ERCC3: variants seen among roughly 807,000 people sequenced by gnomAD.
ERCC3 encodes general transcription and DNA repair factor IIH helicase/translocase subunit XPB.
ERCC3 carries 66 observed loss-of-function variants against 94.2 expected under a neutral mutation model. That is an observed-to-expected ratio of 0.70 (90% CI 0.57 to 0.86). The LOEUF (loss-of-function observed/expected upper bound fraction) is 0.86. ERCC3 is among the 40% of genes least tolerant of loss of function. The pLI is 0.00. For synonymous variants in ERCC3, 349 were observed against 369.1 expected, an observed-to-expected ratio of 0.95 and a Z score of 0.63; for missense variants, 829 against 987.1, an observed-to-expected ratio of 0.84 and a Z score of 2.15.
intron 12 of ERCC3, among the ~76,000 whole-genome samples, chr2:127,270,377 A>G (rs1684510768): frequency 6.6e-6 from 1 of 152,202 alleles, no homozygotes; most frequent in South Asian, 2.1e-4. Context: ...AGTCTTGGCA[A>G]GACAGGATTG....
intron 10 of ERCC3, among the ~76,000 whole-genome samples, chr2:127,278,727 G>T (rs924671623): frequency 1.3e-5 from 2 of 152,224 alleles, no homozygotes; most frequent in African/African-American, 4.8e-5. Context: ...AGGATACTGC[G>T]TGGGCATTTC....
At chr2:127,276,087 C>G (rs552752758) in intron 10 of ERCC3, among the ~76,000 whole-genome samples, 1 of 152,134 alleles carries the variant, frequency 6.6e-6, no homozygotes. Flanking sequence ...CAGGGATGCC[C>G]GGCAGAGATG....
rs1218309781 is a variant in ERCC3 at position 127,284,747 on chromosome 2, A to G, written c.1342+1956T>C. On this transcript the variant is annotated intron_variant, in intron 8 of 14. Coordinates refer to ENST00000285398, the MANE Select transcript of ERCC3 (RefSeq NM_000122.2). The surrounding 1 kb of genome is among the most constrained non-coding windows in gnomAD (Gnocchi z 4.1). ...CACCCATGCTGGAGTACAGTTGCAC[A>G]ATCATGGTTCACTGCAGCCTCAACC... 1.3e-5 allele frequency among the ~76,000 whole-genome samples: 2 copies of G among 151,630 alleles called. No individual in the cohort carries two copies. The highest frequency in any genetic ancestry group is 2.4e-5 in the African/African-American group (1 of 41,214).
Position 127,278,057 on chromosome 2 carries a change from T to G in ERCC3, c.1730+1116A>C, listed in dbSNP as rs530250823. Reference sequence around the variant, plus strand: ...GAGTTTGAGACCAGCCTGGGCAACATAGCAAAACCCCATCTCTACAAAAAA... The same window carrying G: ...GAGTTTGAGACCAGCCTGGGCAACAGAGCAAAACCCCATCTCTACAAAAAA... On this transcript the variant is annotated intron_variant, in intron 10 of 14. Coordinates refer to ENST00000285398, the MANE Select transcript of ERCC3 (RefSeq NM_000122.2). Among the ~76,000 whole-genome samples the G allele has an allele frequency of 2.6e-5, 4 of 151,930 alleles. No individual in the cohort carries two copies. The South Asian group carries it at 8.3e-4, about 32-fold the overall frequency.
At position 127,284,674 on chromosome 2, in the gene ERCC3, T is replaced by A. The variant is rs1685010747; in HGVS notation, c.1342+2029A>T. On this transcript the variant is annotated intron_variant, in intron 8 of 14. Transcript: ENST00000285398. The surrounding 1 kb of genome is among the most constrained non-coding windows in gnomAD (Gnocchi z 4.1). Reference sequence around the variant, plus strand: ...TATTAGACTCCTTAATTTACCCTAATCTGTTCATCTTTATTTTTTTTTTTT... The same window carrying A: ...TATTAGACTCCTTAATTTACCCTAAACTGTTCATCTTTATTTTTTTTTTTT... Among the ~76,000 whole-genome samples, 1 of 151,604 alleles carries A rather than the reference T, an allele frequency of 6.6e-6. No homozygotes were observed. The highest frequency in any genetic ancestry group is 1.5e-5 in the Non-Finnish European group (1 of 67,992).
intron 12 of ERCC3, chr2:127,261,769 T>C (rs1466476956): frequency 7.6e-6 from 2 of 264,440 alleles, no homozygotes; most frequent in Middle Eastern, 1.4e-3. Context: ...AAAAGCACAA[T>C]GAGATTATCA....
rs1187905742 is a variant in ERCC3, at chr2:127,279,199, T to C, written c.1704A>G (p.Leu568=). The C allele has an allele frequency of 6.2e-7, 1 of 1,613,540 alleles. No homozygotes were observed. Among genetic ancestry groups the C allele is most frequent in the South Asian group, 1.1e-5 (1 of 91,074 alleles). ...IIVFADNVFA[L]KEYAIRLNKP... ...TGTTCAGTCGAATGGCATATTCCTT[T>C]AGGGCAAACACATTGTCAGCAAAGA... Residue 568 remains leucine, a synonymous_variant, in exon 10 of 15, where the codon CTA becomes CTG. Coordinates refer to ENST00000285398, the MANE Select transcript of ERCC3 (RefSeq NM_000122.2). The surrounding 1 kb of genome is among the most constrained non-coding windows in gnomAD (Gnocchi z 4.7).
Position 127,284,835 on chromosome 2 carries a change from C to A in ERCC3, c.1342+1868G>T, listed in dbSNP as rs1041981280. 9.9e-5 allele frequency among the ~76,000 whole-genome samples: 15 copies of A among 152,042 alleles called. No individual in the cohort carries two copies. The highest frequency in any genetic ancestry group is 1.3e-4 in the Admixed American group (2 of 15,268). On this transcript the variant is annotated intron_variant, in intron 8 of 14. Transcript: ENST00000285398. The surrounding 1 kb of genome is among the most constrained non-coding windows in gnomAD (Gnocchi z 4.1). The stretch of plus-strand genomic sequence containing the variant: ...AGCAGCTGAGACCACAGGTGCACAC[C>A]ACCACACTTGGCTAATTAAAAAAAT...
Position 127,264,091 on chromosome 2 carries a change from C to T in ERCC3, c.1946-2745G>A, listed in dbSNP as rs1033982445. On this transcript the variant is annotated intron_variant, in intron 12 of 14. Coordinates refer to ENST00000285398, the MANE Select transcript of ERCC3 (RefSeq NM_000122.2). The surrounding 1 kb of genome is among the most constrained non-coding windows in gnomAD (Gnocchi z 4.4). Reference sequence around the variant, plus strand: ...TTGGCTGTGAGTTTGTCATAGATGGCTTTTATTATTGTGAGATATGTTCCT... The same window carrying T: ...TTGGCTGTGAGTTTGTCATAGATGGTTTTTATTATTGTGAGATATGTTCCT... Among the ~76,000 whole-genome samples, 1 of 152,170 alleles carries T rather than the reference C, an allele frequency of 6.6e-6. No individual in the cohort carries two copies. Among genetic ancestry groups the T allele is most frequent in the African/African-American group, 2.4e-5 (1 of 41,428 alleles).
chr2:127,281,016 G>A (rs1200549955), intron 8 of ERCC3: 4 of 434,952 alleles, frequency 9.2e-6, no homozygotes, highest in Admixed American at 3.8e-5. Flanking sequence ...GGTGAAATGA[G>A]CTTAAGGAAT....
At chr2:127,287,186 A>C (rs1685102327) in intron 7 of ERCC3, among the ~76,000 whole-genome samples, 169 bp from the exon 8 acceptor site, 1 of 152,234 alleles carries the variant, frequency 6.6e-6, no homozygotes, top group African/African-American at 2.4e-5. Context: ...CTTTATAATG[A>C]GGAGACATGC....
chr2:127,271,387 A>G lies in ERCC3; in HGVS notation c.1894T>C (p.Ser632Pro). The G allele has an allele frequency of 6.2e-7, 1 of 1,614,142 alleles. No homozygotes were observed. Among genetic ancestry groups the G allele is most frequent in the East Asian group, 2.2e-5 (1 of 44,874 alleles). The change falls in exon 12 of 15, where the codon TCC (serine) becomes CCC (proline). Residue 632 changes from serine to proline, a missense_variant. By Grantham distance (74) the Ser-to-Pro change is moderately conservative. Transcript: ENST00000285398. The surrounding 1 kb of genome is among the most constrained non-coding windows in gnomAD (Gnocchi z 5.0). ...AGCCTTTGGGCTTCCTGACGCCTGGAGCCACCATGGGATGAGATCTGAATG... is the reference window on the plus strand; with the variant it reads ...AGCCTTTGGGCTTCCTGACGCCTGGGGCCACCATGGGATGAGATCTGAATG... ...VLIQISSHGG[S>P]RRQEAQRLGR...
At position 127,292,650 on chromosome 2, in the gene ERCC3, CT is replaced by C; in HGVS notation, c.430del (p.Ser144AlafsTer27). The C allele has an allele frequency of 1.2e-6, 2 of 1,614,136 alleles. No homozygotes were observed. The highest frequency in any genetic ancestry group is 1.7e-6 in the Non-Finnish European group (2 of 1,179,972). ...SDITEYLRKL[S>X]KTGVPDGIMQ... ...AATTCCATCAGGGACTCCAGTCTTGCTGAGCTTCCTGAGGTACTCGGTGATG... is the reference window on the plus strand; with the variant it reads ...AATTCCATCAGGGACTCCAGTCTTGCGAGCTTCCTGAGGTACTCGGTGATG... On this transcript the variant is annotated frameshift_variant, in exon 3 of 15. Coordinates refer to ENST00000285398, the MANE Select transcript of ERCC3 (RefSeq NM_000122.2). LOFTEE classifies it high-confidence loss of function.
At chr2:127,282,296 T>C (rs1316497117) in intron 8 of ERCC3, among the ~76,000 whole-genome samples, 1 of 152,230 alleles carries the variant, frequency 6.6e-6, no homozygotes, top group East Asian at 1.9e-4. Context: ...GTGTGGCTTG[T>C]ATCACTCAAC....
chr2:127,263,424 T>C (rs954178032), intron 12 of ERCC3, among the ~76,000 whole-genome samples: 1 of 152,242 alleles, frequency 6.6e-6, no homozygotes, highest in Admixed American at 6.5e-5. Context: ...GCTCTCAGCT[T>C]GAATGTTACT....
Position 127,288,715 on chromosome 2 carries a change from C to T in ERCC3, c.972G>A (p.Leu324=). The T allele has an allele frequency of 1.2e-6, 2 of 1,614,152 alleles. No homozygotes were observed. The highest frequency in any genetic ancestry group is 1.7e-6 in the Non-Finnish European group (2 of 1,180,016). Reference sequence around the variant, plus strand: ...CACGCCCGTTTCCAAACATCTTTCGCAAGCTCTTCTCCTGATAGGGTCTGA... The same window carrying T: ...CACGCCCGTTTCCAAACATCTTTCGTAAGCTCTTCTCCTGATAGGGTCTGA... ...AVLRPYQEKS[L]RKMFGNGRAR... The change falls in exon 7 of 15, where the codon TTG becomes TTA. Residue 324 remains leucine (L), a synonymous_variant. Transcript: ENST00000285398.
chr2:127,283,126 T>C (rs1684966602), intron 8 of ERCC3, among the ~76,000 whole-genome samples: 1 of 115,722 alleles, frequency 8.6e-6, no homozygotes, highest in African/African-American at 3.4e-5. Context: ...ACAGTAAAAC[T>C]GACTTGGGGC....
In ERCC3 at chr2:127,279,013, G is replaced by A. The variant is rs796440364; in HGVS notation, c.1730+160C>T. On this transcript the variant is annotated intron_variant, in intron 10 of 14. Transcript: ENST00000285398. This position sits in a 1 kb window ranked among gnomAD's most constrained non-coding sequence, Gnocchi z 4.7. ...CCTCTGACTCCAACCACCTACTTCA[G>A]GTCTTCCCTGGTTTCTGAGACCAGG... Among the ~76,000 whole-genome samples, 8 of 152,226 alleles carry A rather than the reference G, an allele frequency of 5.3e-5. No homozygotes were observed. The highest frequency in any genetic ancestry group is 1.7e-4 in the African/African-American group (7 of 41,530).
Position 127,269,754 on chromosome 2 carries a change from G to C in ERCC3, c.1945+1582C>G, listed in dbSNP as rs574770254. 8.0e-5 allele frequency among the ~76,000 whole-genome samples: 12 copies of C among 150,556 alleles called. No homozygotes were observed. In the East Asian group the frequency reaches 2.5e-3, roughly 31 times the overall value. On this transcript the variant is annotated intron_variant, in intron 12 of 14. Transcript: ENST00000285398. Reference sequence around the variant, plus strand: ...ACATTTAAGGGAGTTTTTAAGGCTAGGCACAGTGGCTCACACCTGTAATCC... The same window carrying C: ...ACATTTAAGGGAGTTTTTAAGGCTACGCACAGTGGCTCACACCTGTAATCC...
Sources: gnomAD v4.1 joint callset for allele counts (sites outside exome capture counted in the v4.1 genomes callset) on GRCh38, gnomAD v4.1.1 for gene constraint, Gnocchi (gnomAD v3.1) non-coding constraint, MANE v1.5 for transcripts, NCBI Gene and HGNC (gene_info 2026-07-23, HGNC 2026-07-21) for gene names.